The following FNIP2 variants were observed in gnomAD, a reference collection of about 807,000 sequenced individuals.
FNIP2 encodes the protein folliculin interacting protein 2, also known as folliculin-interacting protein 2.
A neutral mutation model predicts 108.7 loss-of-function variants in FNIP2; 32 were observed. The ratio of observed to expected loss-of-function variants is 0.29; its 90% CI spans 0.22 to 0.40. The LOEUF is 0.40. Ranked by LOEUF, FNIP2 falls within the 10% of genes least tolerant of loss-of-function variation. The pLI is 1.00. For synonymous variants in FNIP2, 480 were observed against 496.7 expected (o/e 0.97, Z 0.45); for missense variants, 1,202 against 1,381.6 (o/e 0.87, Z 2.06).
At chr4:158,845,433 A>G (rs145707708) in intron 7 of FNIP2, among the ~76,000 whole-genome samples, 16 of 152,298 alleles carry the variant, frequency 1.1e-4, no homozygotes, top group African/African-American at 3.8e-4. Context: ...TTTTAAAGAG[A>G]TGAGGTCTCA....
chr4:158,835,314 C>T, intron 6 of FNIP2, 91 bp from the exon 7 acceptor site: 1 of 1,031,780 alleles, frequency 9.7e-7, no homozygotes, highest in South Asian at 1.3e-5. Context: ...TAGCAGTAGC[C>T]TACTTTGAAA....
intron 12 of FNIP2, among the ~76,000 whole-genome samples, chr4:158,864,237 C>G (rs567902291): frequency 6.6e-6 from 1 of 152,270 alleles, no homozygotes; most frequent in South Asian, 2.1e-4. Context: ...GTTTTGCAGG[C>G]TGGTCGCTGG....
intron 1 of FNIP2, among the ~76,000 whole-genome samples, chr4:158,781,743 C>T (rs2126423898): frequency 6.6e-6 from 1 of 152,246 alleles, no homozygotes; most frequent in South Asian, 2.1e-4. Flanking sequence ...TCTCGAACTC[C>T]TGGCTTCAAG....
At chr4:158,858,892 A>T (rs1392489202) in intron 8 of FNIP2, among the ~76,000 whole-genome samples, 165 bp from the exon 9 acceptor site, 1 of 152,250 alleles carries the variant, frequency 6.6e-6, no homozygotes, top group East Asian at 1.9e-4. Context: ...AGGCAAGCTG[A>T]TGTTCTCATC....
intron 16 of FNIP2, among the ~76,000 whole-genome samples, chr4:158,898,124 G>A (rs887143754): frequency 6.6e-6 from 1 of 152,042 alleles, no homozygotes; most frequent in African/African-American, 2.4e-5. Flanking sequence ...TTTTTGTCAG[G>A]TTTGTCAAAG....
At chr4:158,782,109 AGG>A (rs1374301653) in intron 1 of FNIP2, among the ~76,000 whole-genome samples, 1 of 152,056 alleles carries the variant, frequency 6.6e-6, no homozygotes, top group African/African-American at 2.4e-5. Context: ...ACTGATCTCA[AGG>A]TTGTAGGGAA....
chr4:158,815,800 C>T (rs1777535813), intron 1 of FNIP2, among the ~76,000 whole-genome samples: 3 of 152,074 alleles, frequency 2.0e-5, no homozygotes, highest in South Asian at 2.1e-4. Context: ...CTTATGGTAG[C>T]TTTCTATACA....
chr4:158,850,230 G>A (rs974809220), intron 7 of FNIP2, among the ~76,000 whole-genome samples: 1 of 152,062 alleles, frequency 6.6e-6, no homozygotes, highest in Non-Finnish European at 1.5e-5. Flanking sequence ...AATTTCCTTT[G>A]CCCTGTGATT....
intron 7 of FNIP2, among the ~76,000 whole-genome samples, chr4:158,837,420 T>A (rs1033887054): frequency 1.3e-5 from 2 of 152,188 alleles, no homozygotes; most frequent in African/African-American, 4.8e-5. Context: ...GGAGAAAAGA[T>A]TCAGGGAATT....
At chr4:158,858,745 T>C (rs1780125156) in intron 8 of FNIP2, among the ~76,000 whole-genome samples, 1 of 152,230 alleles carries the variant, frequency 6.6e-6, no homozygotes, top group Admixed American at 6.5e-5. Context: ...TAAACAGATA[T>C]TTCACATTCC....
At chr4:158,891,157 GTCTC>G in intron 14 of FNIP2, among the ~76,000 whole-genome samples, 1 of 152,096 alleles carries the variant, frequency 6.6e-6, no homozygotes, top group Non-Finnish European at 1.5e-5. Context: ...TTTGAGGCAG[GTCTC>G]TCTGTCTCTG....
At chr4:158,828,282 C>A (rs1045150139) in intron 2 of FNIP2, among the ~76,000 whole-genome samples, 1 of 152,148 alleles carries the variant, frequency 6.6e-6, no homozygotes, top group African/African-American at 2.4e-5. Flanking sequence ...GATTTTCCTT[C>A]CTGTTACCTT....
At chr4:158,783,969 T>G (rs565863750) in intron 1 of FNIP2, among the ~76,000 whole-genome samples, 1 of 152,172 alleles carries the variant, frequency 6.6e-6, no homozygotes, top group South Asian at 2.1e-4. Context: ...GTGGAAGTGA[T>G]GGGGAGATAC....
In FNIP2 at chr4:158,870,498, C is replaced by G. The variant is rs1321552808; in HGVS notation, c.2949+29C>G. On this transcript the variant is annotated intron_variant, in intron 14 of 16. Transcript: ENST00000264433. Reference sequence around the variant, plus strand: ...AGTGATCCCAGTGTGGAGCCTCTGGCTGCTGACAGTGTGTCAGTCAAGGTC... The same window carrying G: ...AGTGATCCCAGTGTGGAGCCTCTGGGTGCTGACAGTGTGTCAGTCAAGGTC... The G allele has an allele frequency of 3.8e-6, 6 of 1,579,294 alleles. No individual in the cohort carries two copies. In the African/African-American group the frequency reaches 5.4e-5, roughly 14 times the overall value.
rs544409115 is a variant in FNIP2, at chr4:158,897,154, C to T, written c.3266+1289C>T. On this transcript the variant is annotated intron_variant, in intron 16 of 16. Transcript: ENST00000264433. ...GATGGTTTCCAGCCTCATCCGTGTC[C>T]CTGCAGAGGACATGAACTCATCCTT... is the stretch of plus-strand genomic sequence containing the variant. Among the ~76,000 whole-genome samples the T allele has an allele frequency of 9.9e-5, 15 of 152,230 alleles. No homozygotes were observed. The South Asian group carries it at 3.1e-3, about 32-fold the overall frequency.
At chr4:158,780,501 G>A (rs1251237971) in intron 1 of FNIP2, among the ~76,000 whole-genome samples, 3 of 152,152 alleles carry the variant, frequency 2.0e-5, no homozygotes, top group Non-Finnish European at 4.4e-5. Context: ...ATGTCTCATA[G>A]TTATCCTTTG....
intron 14 of FNIP2, among the ~76,000 whole-genome samples, chr4:158,873,984 T>A (rs1392703210): frequency 2.0e-5 from 3 of 152,242 alleles, no homozygotes; most frequent in African/African-American, 7.2e-5. Flanking sequence ...GGCCTGTGAA[T>A]ACAGCTGACT....
At chr4:158,800,719 GT>G (rs1397450461) in intron 1 of FNIP2, among the ~76,000 whole-genome samples, 2 of 151,940 alleles carry the variant, frequency 1.3e-5, no homozygotes, top group Admixed American at 6.6e-5. Flanking sequence ...TTCTGTTTTA[GT>G]TTTATAAAAC....
chr4:158,843,715 G>T (rs1444553553), intron 7 of FNIP2, among the ~76,000 whole-genome samples: 2 of 152,188 alleles, frequency 1.3e-5, no homozygotes, highest in African/African-American at 4.8e-5. Flanking sequence ...ATGTATCGTG[G>T]GGATGGGAGA....
Sources: allele counts gnomAD v4.1 joint callset (sites outside exome capture counted in the v4.1 genomes callset), GRCh38; gene constraint gnomAD v4.1.1; transcripts MANE v1.5; gene names NCBI Gene and HGNC (gene_info 2026-07-23, HGNC 2026-07-21).